ABCC11: variants seen among roughly 807,000 people sequenced by gnomAD.
ABCC11 encodes ATP binding cassette subfamily C member 11, also known as ATP-binding cassette sub-family C member 11.
A neutral mutation model predicts 149.3 loss-of-function variants in ABCC11; 135 were observed. The observed-to-expected ratio is 0.90, with a 90% confidence interval of 0.79 to 1.04. The LOEUF is 1.04. Among genes scored for constraint, ABCC11 ranks in the 50% least tolerant of loss-of-function variants. ABCC11 has a pLI of 0.00. For missense variants in ABCC11, 1,680 were observed against 1,722.1 expected, an observed-to-expected ratio of 0.98 and a Z score of 0.43; for synonymous variants, 665 against 671.4, an observed-to-expected ratio of 0.99 and a Z score of 0.15.
rs756703417 is a variant in ABCC11 at position 48,224,303 on chromosome 16, G to A, written c.522C>T (p.Cys174=). ...IFDALLGICF[C]IASVLGPILI... is the part of the protein sequence containing the mutation. ...TTACTGGCCCGAGTACACTGGCAAT[G>A]CAGAAGCAGATGCCCAGAAGTGCAT... The change falls in exon 5 of 30, where the codon TGC becomes TGT. Residue 174 remains cysteine, a synonymous_variant. Coordinates refer to ENST00000356608, the MANE Select transcript of ABCC11 (RefSeq NM_001370497.1). The A allele has an allele frequency of 6.2e-7, 1 of 1,614,164 alleles. No homozygotes were observed. The highest frequency in any genetic ancestry group is 8.5e-7 in the Non-Finnish European group (1 of 1,180,016).
chr16:48,171,168 G>A (rs910193480), intron 26 of ABCC11, among the ~76,000 whole-genome samples: 2 of 152,124 alleles, frequency 1.3e-5, no homozygotes, highest in African/African-American at 4.8e-5. Context: ...TTTTGTTTAG[G>A]GGCCACCTCC....
In ABCC11 at chr16:48,193,972, G is replaced by T; in HGVS notation, c.2415C>A (p.Val805=). 2 of 1,612,420 alleles carry T rather than the reference G, an allele frequency of 1.2e-6. No homozygotes were observed. The highest frequency in any genetic ancestry group is 2.2e-5 in the South Asian group (2 of 90,962). The stretch of plus-strand genomic sequence containing the variant: ...CCACGAAGAAGAAAATTATGCAAGA[G>T]ACCATGTAACCTGGGAGGGAGACAG... ...HYIQAAGGYM[V]SCIIFFFVVL... The change falls in exon 19 of 30, where the codon GTC becomes GTA. Residue 805 remains valine, a synonymous_variant. Coordinates refer to ENST00000356608, the MANE Select transcript of ABCC11 (RefSeq NM_001370497.1).
chr16:48,213,171 T>C (rs1969064847), intron 10 of ABCC11, among the ~76,000 whole-genome samples: 3 of 152,344 alleles, frequency 2.0e-5, no homozygotes, highest in Admixed American at 2.0e-4. Flanking sequence ...TTGGGGTAAC[T>C]CTATGCAAAC....
chr16:48,204,311 C>T (rs891837467), intron 13 of ABCC11, among the ~76,000 whole-genome samples: 8 of 152,056 alleles, frequency 5.3e-5, no homozygotes, highest in African/African-American at 9.7e-5. Flanking sequence ...GACAATCTTA[C>T]GCGGGGTGGA....
At chr16:48,219,319 G>A (rs371602860) in intron 6 of ABCC11, among the ~76,000 whole-genome samples, 11 of 152,070 alleles carry the variant, frequency 7.2e-5, no homozygotes, top group South Asian at 2.1e-4. Context: ...ACAGGCGCAC[G>A]CCACCACGCC....
At chr16:48,196,386 T>C in intron 17 of ABCC11, 65 bp from the exon 18 acceptor site, 1 of 1,488,604 alleles carries the variant, frequency 6.7e-7, no homozygotes, top group Admixed American at 1.8e-5. Context: ...CTTCCTTCTG[T>C]CTCTGGCTTC....
rs1967032061 is a variant in ABCC11 at position 48,192,684 on chromosome 16, C to T, written c.2542G>A (p.Ala848Thr). 1.9e-6 allele frequency: 3 copies of T among 1,614,222 alleles called. No individual in the cohort carries two copies. In the South Asian group the frequency reaches 3.3e-5, roughly 18 times the overall value. Residue 848 changes from alanine to threonine, a missense_variant, in exon 20 of 30, where the codon GCA becomes ACA. Coordinates refer to ENST00000356608, the MANE Select transcript of ABCC11 (RefSeq NM_001370497.1). ...NSSRESNGTM[A>T]DLGNIADNPQ... ...TTGTCTGCAATGTTGCCCAGGTCTG[C>T]CATGGTTCCATTGCTCTCTCGGCTG... is the stretch of plus-strand genomic sequence containing the variant.
At position 48,246,724 on chromosome 16, in the gene ABCC11, A is replaced by C. The variant is rs139809985; in HGVS notation, c.-19+590T>G. 3.9e-5 allele frequency among the ~76,000 whole-genome samples: 6 copies of C among 152,104 alleles called. No homozygotes were observed. In the East Asian group the frequency reaches 1.2e-3, roughly 30 times the overall value. On this transcript the variant is annotated intron_variant, in intron 1 of 29. Coordinates refer to ENST00000356608, the MANE Select transcript of ABCC11 (RefSeq NM_001370497.1). ...GGAGTGGCTGGGACTATAGGCGTGC[A>C]CCACTACACCCAGCTAATTTTTAAA... is the stretch of plus-strand genomic sequence containing the variant.
chr16:48,177,759 T>A (rs1966181898), intron 24 of ABCC11, among the ~76,000 whole-genome samples: 1 of 152,218 alleles, frequency 6.6e-6, no homozygotes, highest in Admixed American at 6.5e-5. Context: ...TGGTGCCGTG[T>A]CACAGCAGCA....
At chr16:48,203,864 C>T (rs959098748) in intron 13 of ABCC11, among the ~76,000 whole-genome samples, 16 of 151,942 alleles carry the variant, frequency 1.1e-4, no homozygotes, top group African/African-American at 2.7e-4. Context: ...AGTGAGACTC[C>T]GTCTCAAAAA....
chr16:48,199,054 CTA>C (rs557432657), intron 15 of ABCC11, among the ~76,000 whole-genome samples: 2 of 149,282 alleles, frequency 1.3e-5, no homozygotes, highest in Admixed American at 6.7e-5. Flanking sequence ...ATATATATAT[CTA>C]TATATATATA....
At chr16:48,191,153 G>A (rs1966889281) in intron 20 of ABCC11, among the ~76,000 whole-genome samples, 1 of 152,130 alleles carries the variant, frequency 6.6e-6, no homozygotes, top group South Asian at 2.1e-4. Context: ...GGTGAACTAT[G>A]GATATTCATT....
At chr16:48,208,185 C>T (rs757390656) in intron 12 of ABCC11, among the ~76,000 whole-genome samples, 3 of 152,128 alleles carry the variant, frequency 2.0e-5, no homozygotes, top group African/African-American at 4.8e-5. Flanking sequence ...GAGGACAGGT[C>T]TCCAGGTGAC....
intron 1 of ABCC11, chr16:48,244,327 A>G (rs897980466): frequency 1.7e-5 from 22 of 1,267,264 alleles, no homozygotes; most frequent in Admixed American, 2.8e-5. Flanking sequence ...ACTGCGGGGC[A>G]GGCCGGGGGC....
intron 13 of ABCC11, 68 bp from the exon 14 acceptor site, chr16:48,203,368 G>A (rs1968167127): frequency 7.2e-6 from 10 of 1,386,508 alleles, no homozygotes; most frequent in East Asian, 5.0e-5. Flanking sequence ...TCCCAGTGTC[G>A]AGAGGAATGG....
At chr16:48,212,517 T>C (rs940026517) in intron 10 of ABCC11, among the ~76,000 whole-genome samples, 1 of 152,246 alleles carries the variant, frequency 6.6e-6, no homozygotes, top group East Asian at 1.9e-4. Context: ...CTGGGCCGCA[T>C]GCGACCTGTG....
chr16:48,200,825 G>C (rs1366041880), intron 14 of ABCC11, among the ~76,000 whole-genome samples: 2 of 152,292 alleles, frequency 1.3e-5, no homozygotes, highest in East Asian at 3.9e-4. Flanking sequence ...ATGTTTGATA[G>C]CAGAATAGGA....
rs1380732964 is a variant in ABCC11 at position 48,205,306 on chromosome 16, G to A, written c.1805+107C>T. 4.1e-6 allele frequency: 6 copies of A among 1,468,736 alleles called. No homozygotes were observed. The East Asian group carries it at 7.1e-5, about 17-fold the overall frequency. 91.0% of individuals were successfully genotyped at this position (1,468,736 alleles called of 1,614,324 possible). On this transcript the variant is annotated intron_variant, in intron 13 of 29. Coordinates refer to ENST00000356608, the MANE Select transcript of ABCC11 (RefSeq NM_001370497.1). ...GGGGTGAATATGATAATGCGTTTAA[G>A]TGGAGCACACAAGTGTTAGCAGTTG... is the stretch of plus-strand genomic sequence containing the variant.
intron 14 of ABCC11, among the ~76,000 whole-genome samples, chr16:48,201,600 C>G (rs906679763): frequency 2.0e-5 from 3 of 151,102 alleles, no homozygotes; most frequent in Non-Finnish European, 2.9e-5. Context: ...CTGGACCTGG[C>G]CTTATTCAGG....
Sources: allele counts gnomAD v4.1 joint callset (sites outside exome capture counted in the v4.1 genomes callset), GRCh38; gene constraint gnomAD v4.1.1; transcripts MANE v1.5; gene names NCBI Gene and HGNC (gene_info 2026-07-23, HGNC 2026-07-21).